Variants in MAPDA observed in about 807,000 individuals in gnomAD.
MAPDA encodes the protein N6-Methyl-AMP deaminase, also known as N6,N6-dimethyl-AMP deaminase.
chr15:43,335,691 C>T, the MAPDA span: 1 of 1,604,558 alleles, frequency 6.2e-7, no homozygotes, highest in Non-Finnish European at 8.5e-7. Context: ...GGTTGTATCT[C>T]TTAGGAACTT....
the MAPDA span, chr15:43,351,054 G>A: frequency 6.5e-7 from 1 of 1,549,258 alleles, no homozygotes; most frequent in Admixed American, 2.0e-5. Flanking sequence ...AAGGTGTTCC[G>A]TGTGAAGTAT....
At chr15:43,349,175 T>C in the MAPDA span, 1 of 1,479,666 alleles carries the variant, frequency 6.8e-7, no homozygotes, top group Non-Finnish European at 9.0e-7. Flanking sequence ...AGATGGAGTG[T>C]GTGCTTTCTG....
At chr15:43,342,428 G>A in the MAPDA span, among the ~76,000 whole-genome samples, 4 of 147,876 alleles carry the variant, frequency 2.7e-5, no homozygotes, top group Non-Finnish European at 4.5e-5. Context: ...GGACTAGGAG[G>A]AGAGAAAATA....
At chr15:43,342,012 T>C in the MAPDA span, among the ~76,000 whole-genome samples, 29 of 152,116 alleles carry the variant, frequency 1.9e-4, no homozygotes, top group East Asian at 5.4e-3. Flanking sequence ...CTCATTTTCA[T>C]ATTTTTAGTA....
the MAPDA span, chr15:43,330,692 T>C: frequency 6.0e-6 from 3 of 503,130 alleles, no homozygotes; most frequent in Admixed American, 3.8e-5. Context: ...CTAAGTTCGC[T>C]TGCGGCTGAC....
chr15:43,348,371 A>G, the MAPDA span, among the ~76,000 whole-genome samples: 1 of 152,176 alleles, frequency 6.6e-6, no homozygotes, highest in African/African-American at 2.4e-5. Flanking sequence ...ATTTTTAACT[A>G]TAAGAGTTAT....
the MAPDA span, chr15:43,336,725 A>ACTTCATAATTT: frequency 6.8e-7 from 1 of 1,467,248 alleles, no homozygotes; most frequent in Non-Finnish European, 9.1e-7. Flanking sequence ...TTTAAAAATT[A>ACTTCATAATTT]TGAAGTAATT....
chr15:43,330,473 C>T, the MAPDA span: 1 of 1,522,394 alleles, frequency 6.6e-7, no homozygotes, highest in Non-Finnish European at 8.8e-7. Context: ...CCGACGCTCA[C>T]GGCTCCGGGG....
the MAPDA span, chr15:43,354,229 TG>T: frequency 6.6e-6 from 1 of 152,360 alleles, no homozygotes; most frequent in South Asian, 2.1e-4. Flanking sequence ...GAAAAAAGTT[TG>T]TTTTTTCCGC....
chr15:43,332,403 A>G, the MAPDA span: 1 of 152,110 alleles, frequency 6.6e-6, no homozygotes. Flanking sequence ...AAAAAAGTTG[A>G]AGGACTTTGA....
the MAPDA span, among the ~76,000 whole-genome samples, chr15:43,344,498 G>T: frequency 2.0e-5 from 3 of 152,042 alleles, no homozygotes; most frequent in Non-Finnish European, 4.4e-5. Context: ...AATTATAGGG[G>T]TTCTCTGGGT....
the MAPDA span, among the ~76,000 whole-genome samples, chr15:43,341,629 A>G: frequency 1.3e-5 from 2 of 150,188 alleles, no homozygotes; most frequent in East Asian, 3.9e-4. Context: ...ACTTGACGCC[A>G]GAAGTTCGAG....
chr15:43,334,766 A>G, the MAPDA span, among the ~76,000 whole-genome samples: 2 of 150,546 alleles, frequency 1.3e-5, no homozygotes, highest in African/African-American at 2.4e-5. Flanking sequence ...AGGTTTTAGT[A>G]CACCTCTTAT....
the MAPDA span, among the ~76,000 whole-genome samples, chr15:43,342,308 C>T: frequency 6.6e-6 from 1 of 152,018 alleles, no homozygotes. Flanking sequence ...CAGATCCCCT[C>T]AGAGAGCAGA....
At chr15:43,347,103 A>G in the MAPDA span, 1 of 1,608,136 alleles carries the variant, frequency 6.2e-7, no homozygotes, top group Non-Finnish European at 8.5e-7. Context: ...AGAGGTAAAT[A>G]ATATTGTCTT....
chr15:43,331,032 C>T, the MAPDA span, among the ~76,000 whole-genome samples: 1 of 152,186 alleles, frequency 6.6e-6, no homozygotes, highest in Non-Finnish European at 1.5e-5. Flanking sequence ...AAGAGAACCC[C>T]ATTTAAAACT....
At chr15:43,338,224 G>A in the MAPDA span, among the ~76,000 whole-genome samples, 1 of 152,220 alleles carries the variant, frequency 6.6e-6, no homozygotes, top group Non-Finnish European at 1.5e-5. Flanking sequence ...GGTTCAGAGG[G>A]TGACAATGGG....
chr15:43,336,491 A>G, the MAPDA span: 2 of 641,122 alleles, frequency 3.1e-6, no homozygotes, highest in Non-Finnish European at 5.0e-6. Flanking sequence ...AGATCAATGT[A>G]ATTTTTGAAA....
the MAPDA span, among the ~76,000 whole-genome samples, chr15:43,338,620 G>A: frequency 1.3e-5 from 2 of 152,318 alleles, no homozygotes; most frequent in Middle Eastern, 3.4e-3. Flanking sequence ...AACTAATTGT[G>A]ATGTACTTTG....
Sources: allele counts gnomAD v4.1 joint callset (sites outside exome capture counted in the v4.1 genomes callset), GRCh38; gene constraint gnomAD v4.1.1; transcripts MANE v1.5; gene names NCBI Gene and HGNC (gene_info 2026-07-23, HGNC 2026-07-21).